The following SLC35F1 variants were observed in gnomAD, a reference collection of about 807,000 sequenced individuals.
The protein encoded by SLC35F1 is solute carrier family 35 member F1.
SLC35F1 carries 14 observed loss-of-function variants against 48.7 expected under a neutral mutation model. The observed-to-expected ratio is 0.29, with a 90% confidence interval of 0.19 to 0.45. The LOEUF (loss-of-function observed/expected upper bound fraction) is 0.45, where lower values mean the gene tolerates loss of function less well. Among genes scored for constraint, SLC35F1 ranks in the 20% least tolerant of loss-of-function variants. The pLI is 1.00. For missense variants in SLC35F1, 404 were observed against 500.0 expected, an observed-to-expected ratio of 0.81 and a Z score of 1.83; for synonymous variants, 190 against 202.2, an observed-to-expected ratio of 0.94 and a Z score of 0.51.
chr6:117,961,720 A>T (rs1448086960), intron 1 of SLC35F1, among the ~76,000 whole-genome samples: 1 of 152,218 alleles, frequency 6.6e-6, no homozygotes, highest in Non-Finnish European at 1.5e-5. Flanking sequence ...TCCAACATAT[A>T]CAAATGTAAT....
intron 3 of SLC35F1, among the ~76,000 whole-genome samples, chr6:118,236,493 G>C (rs1775367533): frequency 6.6e-6 from 1 of 151,942 alleles, no homozygotes; most frequent in Non-Finnish European, 1.5e-5. Context: ...ATTTGCTTAC[G>C]AACAATAATG....
chr6:118,099,505 T>TTCTCCTCCCTCTCTCCTCCC (rs1218954570), intron 1 of SLC35F1, among the ~76,000 whole-genome samples: 1 of 149,694 alleles, frequency 6.7e-6, no homozygotes, highest in African/African-American at 2.5e-5. Context: ...TCTCTCTTCC[T>TTCTCCTCCCTCTCTCCTCCC]TCTCCTCCCT....
At chr6:118,262,375 T>C (rs955221226) in intron 3 of SLC35F1, among the ~76,000 whole-genome samples, 3 of 151,828 alleles carry the variant, frequency 2.0e-5, no homozygotes, top group Non-Finnish European at 4.4e-5. Flanking sequence ...GATAAGATGG[T>C]CAGAGATCAG....
intron 7 of SLC35F1, among the ~76,000 whole-genome samples, chr6:118,289,845 G>A (rs1776097675): frequency 6.6e-6 from 1 of 152,186 alleles, no homozygotes; most frequent in Admixed American, 6.5e-5. Flanking sequence ...CTAATATACA[G>A]CCAGAGTTGG....
chr6:118,247,087 A>G (rs1417399684), intron 3 of SLC35F1, among the ~76,000 whole-genome samples: 2 of 152,196 alleles, frequency 1.3e-5, no homozygotes, highest in East Asian at 3.8e-4. Context: ...CCATCAATCC[A>G]ATTTAAGGAA....
intron 1 of SLC35F1, among the ~76,000 whole-genome samples, chr6:118,037,194 T>C (rs1421111635): frequency 6.6e-6 from 1 of 152,228 alleles, no homozygotes. Context: ...TATGTCATTA[T>C]ATTTAAAGTG....
intron 1 of SLC35F1, among the ~76,000 whole-genome samples, chr6:118,012,739 A>G: frequency 6.6e-6 from 1 of 152,206 alleles, no homozygotes; most frequent in Non-Finnish European, 1.5e-5. Flanking sequence ...ATTCATTAAT[A>G]ACATGTTCAA....
chr6:117,989,917 A>C (rs1050347288), intron 1 of SLC35F1, among the ~76,000 whole-genome samples: 1 of 152,194 alleles, frequency 6.6e-6, no homozygotes, highest in Non-Finnish European at 1.5e-5. Context: ...ACAATGTTTT[A>C]TCCATTTTGT....
intron 2 of SLC35F1, among the ~76,000 whole-genome samples, chr6:118,190,840 T>TA (rs1774722663): frequency 6.6e-6 from 1 of 152,144 alleles, no homozygotes; most frequent in Non-Finnish European, 1.5e-5. Context: ...CTCTTTTTGT[T>TA]AATCCCCTAC....
intron 1 of SLC35F1, among the ~76,000 whole-genome samples, chr6:117,930,823 C>A (rs1475122407): frequency 5.9e-5 from 9 of 152,130 alleles, no homozygotes; most frequent in Admixed American, 5.9e-4. Context: ...TGCTTTTGAG[C>A]AAGTTAATGA....
chr6:117,914,762 AT>A (rs1199570474), intron 1 of SLC35F1, among the ~76,000 whole-genome samples: 2 of 152,208 alleles, frequency 1.3e-5, no homozygotes, highest in Non-Finnish European at 2.9e-5. Context: ...AAAAATCCCC[AT>A]AAATTAGTTG....
intron 2 of SLC35F1, among the ~76,000 whole-genome samples, chr6:118,192,824 T>C (rs1774749667): frequency 6.6e-6 from 1 of 152,142 alleles, no homozygotes; most frequent in Non-Finnish European, 1.5e-5. Flanking sequence ...AGGAGCCCTC[T>C]GCAGCATCTC....
intron 3 of SLC35F1, among the ~76,000 whole-genome samples, chr6:118,248,181 C>T (rs954771161): frequency 6.6e-6 from 1 of 152,160 alleles, no homozygotes; most frequent in Non-Finnish European, 1.5e-5. Flanking sequence ...TATGTAAACA[C>T]CTGCACATCC....
At chr6:117,967,596 T>C (rs549306553) in intron 1 of SLC35F1, among the ~76,000 whole-genome samples, 14 of 152,332 alleles carry the variant, frequency 9.2e-5, no homozygotes, top group African/African-American at 3.1e-4. Context: ...TGTTTACTCT[T>C]GTTTCTAAAG....
intron 7 of SLC35F1, among the ~76,000 whole-genome samples, chr6:118,291,340 A>AC (rs1776120509): frequency 1.2e-5 from 1 of 82,048 alleles, no homozygotes; most frequent in African/African-American, 5.5e-5. Context: ...GGGAAGATAC[A>AC]TAAAAAAAGT....
intron 2 of SLC35F1, among the ~76,000 whole-genome samples, chr6:118,231,410 G>C (rs1775291436): frequency 1.3e-5 from 2 of 152,114 alleles, no homozygotes; most frequent in Non-Finnish European, 1.5e-5. Context: ...GTGCTGGCAT[G>C]GGGACTCTAA....
chr6:118,092,353 T>C (rs1204773440), intron 1 of SLC35F1, among the ~76,000 whole-genome samples: 1 of 152,176 alleles, frequency 6.6e-6, no homozygotes, highest in African/African-American at 2.4e-5. Flanking sequence ...GAACTTAGGT[T>C]TGGCAACCTC....
chr6:118,248,328 C>T (rs1375482600), intron 3 of SLC35F1, among the ~76,000 whole-genome samples: 2 of 152,078 alleles, frequency 1.3e-5, no homozygotes, highest in Admixed American at 1.3e-4. Flanking sequence ...TGTTCTGATC[C>T]CTATAATATG....
At chr6:118,263,276 G>A (rs927168745) in intron 3 of SLC35F1, among the ~76,000 whole-genome samples, 3 of 151,996 alleles carry the variant, frequency 2.0e-5, no homozygotes, top group African/African-American at 7.2e-5. Context: ...GGCTGGTCTC[G>A]AACTCCTGAC....
Sources: allele counts gnomAD v4.1 joint callset (sites outside exome capture counted in the v4.1 genomes callset), GRCh38; gene constraint gnomAD v4.1.1; transcripts MANE v1.5; gene names NCBI Gene and HGNC (gene_info 2026-07-23, HGNC 2026-07-21).